The following BCKDHB variants were observed in gnomAD, a reference collection of about 807,000 sequenced individuals.
BCKDHB encodes 2-oxoisovalerate dehydrogenase subunit beta, mitochondrial.
Under a neutral mutation model 48.5 loss-of-function variants are expected in BCKDHB, and 41 were observed. That is an observed-to-expected ratio of 0.85 (90% CI 0.66 to 1.10). The LOEUF is 1.10. BCKDHB is among the 50% of genes least tolerant of loss of function. BCKDHB has a pLI of 0.00. For synonymous variants in BCKDHB, 201 were observed against 174.8 expected (o/e 1.15, Z -1.18); for missense variants, 496 against 494.2 (o/e 1.00, Z -0.03).
the BCKDHB span, among the ~76,000 whole-genome samples, chr6:80,391,373 C>T: frequency 1.3e-5 from 2 of 151,998 alleles, no homozygotes; most frequent in Admixed American, 6.6e-5. Context: ...ACTGGATTTT[C>T]GAGACAAACC....
chr6:80,209,307 A>C (rs1774814368), intron 8 of BCKDHB, among the ~76,000 whole-genome samples: 1 of 151,932 alleles, frequency 6.6e-6, no homozygotes, highest in African/African-American at 2.4e-5. Context: ...AGAAAATCAC[A>C]GAATATTATT....
chr6:80,392,413 A>G, the BCKDHB span, among the ~76,000 whole-genome samples: 3 of 151,872 alleles, frequency 2.0e-5, no homozygotes, highest in Non-Finnish European at 2.9e-5. Context: ...GCATGTAGAT[A>G]TGGTCCTCTT....
the BCKDHB span, among the ~76,000 whole-genome samples, chr6:80,371,209 G>C: frequency 6.6e-6 from 1 of 152,026 alleles, no homozygotes; most frequent in Non-Finnish European, 1.5e-5. Flanking sequence ...GTATCACATT[G>C]TCATTTTGAT....
intron 8 of BCKDHB, among the ~76,000 whole-genome samples, chr6:80,266,874 G>A (rs111838485): frequency 2.6e-4 from 40 of 151,978 alleles, no homozygotes; most frequent in African/African-American, 9.2e-4. Context: ...TTTATTGAGC[G>A]GCCACATATA....
At chr6:80,171,452 T>C (rs1772912316) in intron 6 of BCKDHB, 62 bp downstream of exon 6, 1 of 930,060 alleles carries the variant, frequency 1.1e-6, no homozygotes, top group Non-Finnish European at 1.6e-6. Flanking sequence ...TTTATAGCTC[T>C]AAAAGTTATA....
chr6:80,381,984 A>G, the BCKDHB span, among the ~76,000 whole-genome samples: 1 of 152,144 alleles, frequency 6.6e-6, no homozygotes, highest in African/African-American at 2.4e-5. Flanking sequence ...TTTATTAAAT[A>G]CAATGTAATT....
intron 8 of BCKDHB, among the ~76,000 whole-genome samples, chr6:80,245,016 A>G (rs1449838942): frequency 1.3e-5 from 2 of 152,042 alleles, no homozygotes; most frequent in South Asian, 2.1e-4. Flanking sequence ...TCTTGGTTCT[A>G]CTATTCTACC....
the BCKDHB span, among the ~76,000 whole-genome samples, chr6:80,460,029 T>C: frequency 8.5e-5 from 13 of 152,242 alleles, no homozygotes; most frequent in Non-Finnish European, 1.6e-4. Flanking sequence ...GGATTGTTCC[T>C]TATTGAGCTA....
intron 9 of BCKDHB, among the ~76,000 whole-genome samples, chr6:80,295,622 G>A (rs1345476239): frequency 6.2e-4 from 85 of 136,382 alleles, no homozygotes; most frequent in South Asian, 9.7e-4. Context: ...CCTGTTACCA[G>A]AAAAAAAAAA....
intron 1 of BCKDHB, among the ~76,000 whole-genome samples, chr6:80,120,943 T>C (rs1292537058): frequency 6.6e-6 from 1 of 152,216 alleles, no homozygotes; most frequent in Non-Finnish European, 1.5e-5. Flanking sequence ...TGCCTATACC[T>C]ATGTCCTGAA....
At chr6:80,175,959 A>G (rs1009518823) in intron 6 of BCKDHB, among the ~76,000 whole-genome samples, 2 of 152,190 alleles carry the variant, frequency 1.3e-5, no homozygotes, top group Non-Finnish European at 2.9e-5. Context: ...CAAGAACAAA[A>G]TAGAACTTGC....
the BCKDHB span, among the ~76,000 whole-genome samples, chr6:80,410,250 T>C: frequency 6.6e-6 from 1 of 152,214 alleles, no homozygotes; most frequent in Non-Finnish European, 1.5e-5. Flanking sequence ...AAAATTATTT[T>C]CTTTAAGAAT....
chr6:80,322,798 T>C (rs546213636), intron 9 of BCKDHB, among the ~76,000 whole-genome samples: 1 of 152,292 alleles, frequency 6.6e-6, no homozygotes, highest in East Asian at 1.9e-4. Context: ...TTACATCTTA[T>C]GTTAAACTAA....
chr6:80,185,157 G>A (rs2066166703), intron 6 of BCKDHB, among the ~76,000 whole-genome samples: 2 of 152,024 alleles, frequency 1.3e-5, no homozygotes, highest in African/African-American at 4.8e-5. Flanking sequence ...TAATTTGTAA[G>A]CCTTGTCTTT....
chr6:80,155,599 A>G (rs1047131547), intron 3 of BCKDHB, among the ~76,000 whole-genome samples: 9 of 152,128 alleles, frequency 5.9e-5, no homozygotes, highest in African/African-American at 1.7e-4. Flanking sequence ...TGCTCTTTTC[A>G]TACCCAACCA....
At position 80,122,903 on chromosome 6, in the gene BCKDHB, T is replaced by G. The variant is rs529330425; in HGVS notation, c.197-4644T>G. Among the ~76,000 whole-genome samples the G allele has an allele frequency of 3.7e-3, 562 of 152,080 alleles. 3 individuals are homozygous for G. Among genetic ancestry groups the G allele is most frequent in the African/African-American group, 0.013 (521 of 41,476 alleles). On this transcript the variant is annotated intron_variant, in intron 1 of 9. Transcript: ENST00000320393. ...GTACTGCAGGAGACCAGGGCGTATCTCAGTCCTTATCTCAACCACATAAGA... is the reference window on the plus strand; with the variant it reads ...GTACTGCAGGAGACCAGGGCGTATCGCAGTCCTTATCTCAACCACATAAGA...
At chr6:80,273,030 A>G in intron 8 of BCKDHB, 105 bp from the exon 9 acceptor site, 1 of 848,584 alleles carries the variant, frequency 1.2e-6, no homozygotes, top group Non-Finnish European at 1.9e-6. Context: ...TTTTTACACT[A>G]TTTATTGAAT....
intron 8 of BCKDHB, among the ~76,000 whole-genome samples, chr6:80,243,371 C>T (rs917674545): frequency 2.0e-5 from 3 of 152,150 alleles, no homozygotes; most frequent in African/African-American, 7.2e-5. Flanking sequence ...ACATGCTTTG[C>T]TCCCTGATGA....
At chr6:80,288,835 G>T (rs1766762579) in intron 9 of BCKDHB, among the ~76,000 whole-genome samples, 1 of 152,006 alleles carries the variant, frequency 6.6e-6, no homozygotes, top group South Asian at 2.1e-4. Flanking sequence ...TACTCTGAGA[G>T]TTAAGGGTTG....
Sources: gnomAD v4.1 joint callset for allele counts (sites outside exome capture counted in the v4.1 genomes callset) on GRCh38, gnomAD v4.1.1 for gene constraint, MANE v1.5 for transcripts, NCBI Gene and HGNC (gene_info 2026-07-23, HGNC 2026-07-21) for gene names.